Variants in WDR72 observed in about 807,000 individuals in gnomAD.
WDR72 encodes WD repeat domain 72.
WDR72 carries 120 observed loss-of-function variants against 124.2 expected under a neutral mutation model. That is an observed-to-expected ratio of 0.97 (90% CI 0.83 to 1.12). WDR72 has a LOEUF of 1.12. Among genes scored for constraint, WDR72 ranks in the 50% most tolerant of loss-of-function variants. WDR72 has a pLI of 0.00. For synonymous variants in WDR72, 452 were observed against 441.7 expected, an observed-to-expected ratio of 1.02 and a Z score of -0.29; for missense variants, 1,387 against 1,278.8, an observed-to-expected ratio of 1.08 and a Z score of -1.29.
At chr15:53,743,812 A>G (rs564027831) in intron 1 of WDR72, among the ~76,000 whole-genome samples, 1 of 152,172 alleles carries the variant, frequency 6.6e-6, no homozygotes, top group South Asian at 2.1e-4. Flanking sequence ...CGTCTCTACT[A>G]AAAATACAAA....
intron 18 of WDR72, among the ~76,000 whole-genome samples, chr15:53,567,414 A>T (rs978158265): frequency 6.6e-6 from 1 of 151,868 alleles, no homozygotes; most frequent in Non-Finnish European, 1.5e-5. Context: ...ACTCTCCCCA[A>T]CTCCCTCATA....
intron 18 of WDR72, among the ~76,000 whole-genome samples, chr15:53,540,018 C>A (rs192448501): frequency 6.6e-6 from 1 of 151,996 alleles, no homozygotes; most frequent in African/African-American, 2.4e-5. Context: ...AACCAAAGAG[C>A]AATAAATAAA....
At chr15:53,683,175 G>C (rs2016459892) in intron 13 of WDR72, among the ~76,000 whole-genome samples, 1 of 152,056 alleles carries the variant, frequency 6.6e-6, no homozygotes, top group Non-Finnish European at 1.5e-5. Context: ...TTGACACACA[G>C]AGATTACAAT....
intron 9 of WDR72, among the ~76,000 whole-genome samples, chr15:53,707,316 T>C (rs991637477): frequency 6.6e-6 from 1 of 152,170 alleles, no homozygotes; most frequent in Admixed American, 6.5e-5. Flanking sequence ...TATCCTGATA[T>C]GAAAATAGGG....
intron 3 of WDR72, among the ~76,000 whole-genome samples, chr15:53,720,004 A>G (rs1291390568): frequency 6.6e-6 from 1 of 152,072 alleles, no homozygotes; most frequent in Admixed American, 6.6e-5. Flanking sequence ...TAGTCATACC[A>G]ACCTTATTTT....
intron 13 of WDR72, among the ~76,000 whole-genome samples, chr15:53,683,971 CT>C (rs1018273872): frequency 1.3e-5 from 2 of 151,874 alleles, no homozygotes; most frequent in Non-Finnish European, 2.9e-5. Context: ...TCAACGAACC[CT>C]TTTTTTCCAA....
chr15:53,615,742 A>G lies in WDR72; in HGVS notation c.2464T>C (p.Leu822=), dbSNP rs1292605391. 2 of 1,613,478 alleles carry G rather than the reference A, an allele frequency of 1.2e-6. No homozygotes were observed. The highest frequency in any genetic ancestry group is 1.7e-6 in the Non-Finnish European group (2 of 1,179,648). ...DYLCIKHLNI[L]KLQGPISLGI... is the part of the protein sequence containing the mutation. Reference sequence around the variant, plus strand: ...AAAGAAATAGGACCCTGAAGCTTTAAAATATTGAGGTGCTTAATGCAAAGA... The same window carrying G: ...AAAGAAATAGGACCCTGAAGCTTTAGAATATTGAGGTGCTTAATGCAAAGA... Residue 822 remains leucine, a synonymous_variant, in exon 15 of 20, where the codon TTA becomes CTA. Coordinates refer to ENST00000360509, the MANE Select transcript of WDR72 (RefSeq NM_182758.4).
intron 18 of WDR72, among the ~76,000 whole-genome samples, chr15:53,584,746 T>C (rs554306770): frequency 3.3e-5 from 5 of 152,000 alleles, no homozygotes; most frequent in African/African-American, 1.2e-4. Context: ...GCTTGGAGTA[T>C]CCCCATTCCC....
At chr15:53,652,168 C>T (rs1039132972) in intron 14 of WDR72, 1 of 152,206 alleles carries the variant, frequency 6.6e-6, no homozygotes, top group South Asian at 2.1e-4. Flanking sequence ...AATAGAGTCA[C>T]CAGAACCACC....
At chr15:53,580,027 C>T (rs972660871) in intron 18 of WDR72, among the ~76,000 whole-genome samples, 4 of 151,988 alleles carry the variant, frequency 2.6e-5, no homozygotes, top group Admixed American at 6.6e-5. Context: ...GCTGGTACTA[C>T]GGTAGGCTCT....
chr15:53,733,107 C>T lies in WDR72; in HGVS notation c.43G>A (p.Ala15Thr), dbSNP rs1353340888. 6.2e-7 allele frequency: 1 copy of T among 1,613,884 alleles called. No homozygotes were observed. Among genetic ancestry groups the T allele is most frequent in the African/African-American group, 1.3e-5 (1 of 74,862 alleles). ...LQAVALWGQK[A>T]PPHSITAIMI... is the part of the protein sequence containing the mutation. ...ATGGCAGTGATGCTGTGGGGAGGGG[C>T]CTTCTGTCCCCAGAGTGCCACTGCC... The change falls in exon 2 of 20, where the codon GCC (alanine) becomes ACC (threonine). Residue 15 changes from alanine to threonine, a missense_variant. Physicochemically the swap from Ala to Thr is moderately conservative, Grantham distance 58. Transcript: ENST00000360509.
intron 3 of WDR72, among the ~76,000 whole-genome samples, chr15:53,722,562 G>A (rs58293007): frequency 0.019 from 2,901 of 152,256 alleles, 90 homozygotes; most frequent in African/African-American, 0.066. Context: ...TACACATGTT[G>A]AGATGCTTAA....
intron 13 of WDR72, 92 bp downstream of exon 13, chr15:53,699,658 C>T: frequency 7.3e-7 from 1 of 1,371,842 alleles, no homozygotes; most frequent in Non-Finnish European, 1.0e-6. Context: ...CAAGTGAGGT[C>T]ATCACCGTGT....
At chr15:53,529,966 C>T (rs780461729) in intron 18 of WDR72, among the ~76,000 whole-genome samples, 1 of 151,912 alleles carries the variant, frequency 6.6e-6, no homozygotes, top group Non-Finnish European at 1.5e-5. Context: ...CATTTCCTCG[C>T]TCCCAACCAG....
At chr15:53,684,441 G>A (rs1291318382) in intron 13 of WDR72, 1 of 155,764 alleles carries the variant, frequency 6.4e-6, no homozygotes, top group East Asian at 1.9e-4. Flanking sequence ...TCAAAGAAAG[G>A]GGTGACAGAC....
chr15:53,724,767 A>G (rs752853003), intron 2 of WDR72, among the ~76,000 whole-genome samples: 5 of 152,192 alleles, frequency 3.3e-5, no homozygotes, highest in South Asian at 2.1e-4. Flanking sequence ...CAATGTATTC[A>G]TATATCAAAT....
intron 6 of WDR72, 74 bp from the exon 7 acceptor site, chr15:53,712,965 C>T (rs1567043568): frequency 9.1e-6 from 14 of 1,535,416 alleles, no homozygotes; most frequent in Non-Finnish European, 8.1e-6. Flanking sequence ...ACCTGCTTCC[C>T]GTACATCTCA....
Position 53,665,643 on chromosome 15 carries a change from G to T in WDR72, c.1891C>A (p.Gln631Lys), listed in dbSNP as rs1322379750. The change falls in exon 14 of 20, where the codon CAG becomes AAG. Residue 631 changes from glutamine (Q) to lysine (K), a missense_variant. Physicochemically the swap from Gln to Lys is moderately conservative, Grantham distance 53. Transcript: ENST00000360509. ...SETLKHKSIE[Q>K]RSSSPYQLGP... ...AGCTGGTAGGGGCTGGAGGATCTCTGTTCTATACTTTTGTGCTTAAGTGTC... is the reference window on the plus strand; with the variant it reads ...AGCTGGTAGGGGCTGGAGGATCTCTTTTCTATACTTTTGTGCTTAAGTGTC... 1 of 1,613,898 alleles carries T rather than the reference G, an allele frequency of 6.2e-7. No individual in the cohort carries two copies. The highest frequency in any genetic ancestry group is 8.5e-7 in the Non-Finnish European group (1 of 1,179,888).
At chr15:53,705,472 T>A (rs987744211) in intron 10 of WDR72, among the ~76,000 whole-genome samples, 2 of 99,252 alleles carry the variant, frequency 2.0e-5, no homozygotes, top group East Asian at 6.3e-4. Flanking sequence ...AAAAAAAAAT[T>A]TTTTTTTTGA....
Sources: allele counts gnomAD v4.1 joint callset (sites outside exome capture counted in the v4.1 genomes callset), GRCh38; gene constraint gnomAD v4.1.1; transcripts MANE v1.5; gene names NCBI Gene and HGNC (gene_info 2026-07-23, HGNC 2026-07-21).